The following FHIT variants were observed in gnomAD, a reference collection of about 807,000 sequenced individuals.
FHIT encodes the protein bis(5'-adenosyl)-triphosphatase.
Under a neutral mutation model 17.9 loss-of-function variants are expected in FHIT, and 19 were observed. The observed-to-expected ratio is 1.06, with a 90% CI of 0.74 to 1.56. The LOEUF (loss-of-function observed/expected upper bound fraction) is 1.56. Among genes scored for constraint, FHIT ranks in the 40% most tolerant of loss-of-function variants. The pLI is 0.00. For missense variants in FHIT, 248 were observed against 189.2 expected, an observed-to-expected ratio of 1.31 and a Z score of -1.82; for synonymous variants, 81 against 69.7, an observed-to-expected ratio of 1.16 and a Z score of -0.81.
At chr3:59,919,664 G>T (rs1705308623) in intron 8 of FHIT, among the ~76,000 whole-genome samples, 1 of 152,166 alleles carries the variant, frequency 6.6e-6, no homozygotes, top group Non-Finnish European at 1.5e-5. Flanking sequence ...AATTTTCTAT[G>T]TCTGCAGCAG....
chr3:60,999,925 T>G (rs76013849), intron 3 of FHIT, among the ~76,000 whole-genome samples: 5,870 of 152,268 alleles, frequency 0.039, 386 homozygotes, highest in African/African-American at 0.13. Flanking sequence ...GGCTTCTGTC[T>G]GTCCTCACAC....
In FHIT at chr3:60,154,639, C is replaced by T. The variant is rs1312537731; in HGVS notation, c.104-140487G>A. On this transcript the variant is annotated intron_variant, in intron 5 of 9. Transcript: ENST00000492590. ...GCCTCATTAATGCAAATATGCTCTT[C>T]GTGGTGCTAAACCTTCATTAGTGAA... is the stretch of plus-strand genomic sequence containing the variant. 2.0e-5 allele frequency among the ~76,000 whole-genome samples: 3 copies of T among 152,216 alleles called. No individual in the cohort carries two copies. In the East Asian group the frequency reaches 5.8e-4, roughly 29 times the overall value.
intron 2 of FHIT, among the ~76,000 whole-genome samples, chr3:61,053,297 TA>T (rs537555498): frequency 6.6e-6 from 1 of 151,748 alleles, no homozygotes; most frequent in Non-Finnish European, 1.5e-5. Flanking sequence ...TTCACATACA[TA>T]AAAAAAATGT....
In FHIT at chr3:60,467,193, A is replaced by G. The variant is rs77736835; in HGVS notation, c.103+69667T>C. Among the ~76,000 whole-genome samples the G allele has an allele frequency of 3.4e-3, 521 of 151,978 alleles. 3 individuals carry two copies. Among genetic ancestry groups the G allele is most frequent in the Middle Eastern group, 6.8e-3 (2 of 294 alleles). ...ATCTTCTAATGATCTTTGAATTTCT[A>G]TGATATCAATTGTAATGTCTCCTTT... On this transcript the variant is annotated intron_variant, in intron 5 of 9. Transcript: ENST00000492590.
At chr3:59,909,522 G>T (rs1410446928) in intron 8 of FHIT, among the ~76,000 whole-genome samples, 1 of 152,110 alleles carries the variant, frequency 6.6e-6, no homozygotes, top group African/African-American at 2.4e-5. Flanking sequence ...TAGAGACGGG[G>T]TTTCACCACG....
chr3:60,298,955 G>T (rs1708331027), intron 5 of FHIT, among the ~76,000 whole-genome samples: 2 of 152,090 alleles, frequency 1.3e-5, no homozygotes, highest in South Asian at 4.1e-4. Context: ...TTCTCACAGA[G>T]TAATAAAGTA....
chr3:60,199,615 T>C (rs1702805671), intron 5 of FHIT, among the ~76,000 whole-genome samples: 1 of 152,204 alleles, frequency 6.6e-6, no homozygotes, highest in Non-Finnish European at 1.5e-5. Flanking sequence ...CCTACAATTC[T>C]GTAGTTTCTC....
At position 59,747,481 on chromosome 3, in the gene FHIT, A is replaced by G. The variant is rs914111588; in HGVS notation, c.*2104T>C. Among the ~76,000 whole-genome samples the G allele has an allele frequency of 6.6e-6, 1 of 152,138 alleles. No individual in the cohort carries two copies. Among genetic ancestry groups the G allele is most frequent in the Non-Finnish European group, 1.5e-5 (1 of 68,008 alleles). ...TACCTCCCACTGGGTCCCTCCCATGACATGTGGGGATTATGGGAGCTACAA... is the reference window on the plus strand; with the variant it reads ...TACCTCCCACTGGGTCCCTCCCATGGCATGTGGGGATTATGGGAGCTACAA... On this transcript the variant is annotated 3_prime_UTR_variant, in exon 10 of 10. Transcript: ENST00000492590.
chr3:61,119,247 C>T (rs2036387220), intron 2 of FHIT, among the ~76,000 whole-genome samples: 1 of 151,792 alleles, frequency 6.6e-6, no homozygotes, highest in Non-Finnish European at 1.5e-5. Flanking sequence ...GAGATGGAGT[C>T]TAGCTCTGTC....
chr3:61,234,967 A>G (rs537784999), intron 1 of FHIT, among the ~76,000 whole-genome samples: 1 of 152,350 alleles, frequency 6.6e-6, no homozygotes, highest in South Asian at 2.1e-4. Flanking sequence ...AGGTTTTGAT[A>G]CTGCTAATTT....
intron 3 of FHIT, among the ~76,000 whole-genome samples, chr3:61,003,928 AGAAGCAAAACATGCTCTGT>A (rs1317218947): frequency 6.6e-6 from 1 of 152,242 alleles, no homozygotes; most frequent in Non-Finnish European, 1.5e-5. Context: ...GCTAACCTCA[AGAAGCAAAACATGCTCTGT>A]GAGTGTACTT....
intron 5 of FHIT, among the ~76,000 whole-genome samples, chr3:60,114,159 T>C (rs1440723547): frequency 6.8e-6 from 1 of 147,676 alleles, no homozygotes; most frequent in Admixed American, 6.8e-5. Flanking sequence ...TTATGTAAAT[T>C]ACTTACTTAA....
intron 8 of FHIT, among the ~76,000 whole-genome samples, chr3:59,887,698 C>T (rs1394273912): frequency 6.6e-6 from 1 of 152,186 alleles, no homozygotes. Context: ...GCAGTTGCAT[C>T]CAGCAGCACA....
chr3:60,073,810 C>A (rs1253387880), intron 5 of FHIT, among the ~76,000 whole-genome samples: 2 of 152,116 alleles, frequency 1.3e-5, no homozygotes, highest in East Asian at 3.9e-4. Context: ...GGAATTCTAG[C>A]CTCTGTCCTG....
At chr3:60,946,291 T>C (rs1276420867) in intron 3 of FHIT, among the ~76,000 whole-genome samples, 1 of 152,160 alleles carries the variant, frequency 6.6e-6, no homozygotes, top group Non-Finnish European at 1.5e-5. Context: ...ACTTTGAAGG[T>C]TAGCATGGCA....
At chr3:60,209,591 G>T (rs1703356508) in intron 5 of FHIT, among the ~76,000 whole-genome samples, 1 of 152,242 alleles carries the variant, frequency 6.6e-6, no homozygotes, top group East Asian at 1.9e-4. Context: ...GGATTTGTTT[G>T]TTTAGGAAAG....
intron 5 of FHIT, among the ~76,000 whole-genome samples, chr3:60,292,307 C>T (rs1483044544): frequency 6.6e-6 from 1 of 152,080 alleles, no homozygotes; most frequent in Non-Finnish European, 1.5e-5. Flanking sequence ...TGAATATAAA[C>T]CAAGACCTAT....
chr3:60,418,850 A>G (rs1702365334), intron 5 of FHIT, among the ~76,000 whole-genome samples: 1 of 152,146 alleles, frequency 6.6e-6, no homozygotes, highest in South Asian at 2.1e-4. Context: ...ATTAGATAGC[A>G]TATTATGATG....
At chr3:61,146,047 C>A (rs1325270578) in intron 2 of FHIT, among the ~76,000 whole-genome samples, 3 of 152,020 alleles carry the variant, frequency 2.0e-5, no homozygotes, top group African/African-American at 7.2e-5. Context: ...CCTAAGCTCT[C>A]ATTCAGTCCC....
Sources: gnomAD v4.1 joint callset for allele counts (sites outside exome capture counted in the v4.1 genomes callset) on GRCh38, gnomAD v4.1.1 for gene constraint, MANE v1.5 for transcripts, NCBI Gene and HGNC (gene_info 2026-07-23, HGNC 2026-07-21) for gene names.